Variants in MTMR8 observed in about 807,000 individuals in gnomAD.
MTMR8 encodes the protein phosphatidylinositol-3,5-bisphosphate 3-phosphatase MTMR8.
Under a neutral mutation model 39.3 loss-of-function variants are expected in MTMR8, and 65 were observed. That is an observed-to-expected ratio of 1.65 (90% CI 1.35 to 2.03). The LOEUF (loss-of-function observed/expected upper bound fraction) is 2.03. Among genes scored for constraint, MTMR8 ranks in the 30% most tolerant of loss-of-function variants. The pLI is 0.00. For missense variants in MTMR8, 777 were observed against 538.9 expected, an observed-to-expected ratio of 1.44 and a Z score of -4.37; for synonymous variants, 245 against 185.2, an observed-to-expected ratio of 1.32 and a Z score of -2.62.
intron 11 of MTMR8, among the ~76,000 whole-genome samples, chrX:64,330,220 G>A (rs2147220786): frequency 8.9e-6 from 1 of 111,951 alleles, no homozygotes; most frequent in African/African-American, 3.2e-5. Flanking sequence ...AAAAGATTAT[G>A]GAAAAGATTC....
At chrX:64,301,742 C>G (rs1921885310) in intron 12 of MTMR8, among the ~76,000 whole-genome samples, 1 of 111,400 alleles carries the variant, frequency 9.0e-6, no homozygotes, top group Admixed American at 9.6e-5. Context: ...TGGTGATGTA[C>G]AGATGGGTTT....
chrX:64,341,842 G>A (rs1258795274), intron 8 of MTMR8, among the ~76,000 whole-genome samples: 1 of 111,799 alleles, frequency 8.9e-6, no homozygotes, highest in African/African-American at 3.3e-5. Flanking sequence ...TACAAACTAT[G>A]GGGAATGTTT....
intron 1 of MTMR8, among the ~76,000 whole-genome samples, chrX:64,392,656 TA>T (rs1924719872): frequency 1.8e-5 from 2 of 111,359 alleles, no homozygotes; most frequent in African/African-American, 6.5e-5. Flanking sequence ...GTCCAGTTTT[TA>T]AGTTTATAGC....
At chrX:64,366,278 T>C (rs1923952881) in intron 1 of MTMR8, among the ~76,000 whole-genome samples, 1 of 111,716 alleles carries the variant, frequency 9.0e-6, no homozygotes, top group South Asian at 3.8e-4. Context: ...TACAGCACTA[T>C]CCACCCCAAA....
intron 11 of MTMR8, among the ~76,000 whole-genome samples, chrX:64,331,147 T>C (rs1268991809): frequency 3.6e-5 from 4 of 111,707 alleles, no homozygotes; most frequent in Non-Finnish European, 7.5e-5. Flanking sequence ...ATTAGGAGTT[T>C]TAAAAAATAC....
At chrX:64,342,506 C>T (rs979391604) in intron 8 of MTMR8, among the ~76,000 whole-genome samples, 10 of 112,273 alleles carry the variant, frequency 8.9e-5, no homozygotes, top group Non-Finnish European at 7.5e-5. Flanking sequence ...TCAAATCTCC[C>T]TCTTATCCAT....
chrX:64,358,543 C>T lies in MTMR8; in HGVS notation c.147+862G>A, dbSNP rs192288658. ...ATCTGTATTTTACAGAAGAAGGAAG[C>T]GAGACACAGAAAAGTTAAACAACTT... On this transcript the variant is annotated intron_variant, in intron 2 of 13. Coordinates refer to ENST00000374852, the MANE Select transcript of MTMR8 (RefSeq NM_017677.4). Among the ~76,000 whole-genome samples the T allele has an allele frequency of 1.6e-3, 172 of 110,953 alleles. 1 individual carries two copies. Among genetic ancestry groups the T allele is most frequent in the Non-Finnish European group, 2.8e-3 (148 of 52,946 alleles).
rs867929816 is a variant in MTMR8 at position 64,278,492 on chromosome X, G to C, written c.1482-7419C>G. ...TTTTTTTTTTTTTTTTTTTTTTTTTGAGATGGAGTCTCACTTTGTCCTCCA... is the reference window on the plus strand; with the variant it reads ...TTTTTTTTTTTTTTTTTTTTTTTTTCAGATGGAGTCTCACTTTGTCCTCCA... On this transcript the variant is annotated intron_variant, in intron 12 of 13. Coordinates refer to ENST00000374852, the MANE Select transcript of MTMR8 (RefSeq NM_017677.4). 2.5e-3 allele frequency among the ~76,000 whole-genome samples: 72 copies of C among 29,219 alleles called. 1 individual carries two copies. The highest frequency in any genetic ancestry group is 0.037 in the Middle Eastern group (1 of 27). 25.4% of individuals were successfully genotyped at this position (29,219 alleles called of 115,157 possible).
chrX:64,341,762 G>T (rs1286325840), intron 8 of MTMR8, among the ~76,000 whole-genome samples: 1 of 111,637 alleles, frequency 9.0e-6, no homozygotes, highest in African/African-American at 3.3e-5. Flanking sequence ...ATCACAAAAA[G>T]TTCAAATGGA....
At chrX:64,344,981 C>G (rs1602140172) in intron 7 of MTMR8, 64 bp downstream of exon 7, 3 of 1,149,888 alleles carry the variant, frequency 2.6e-6, no homozygotes, top group East Asian at 3.0e-5. Context: ...ATCAGGCATG[C>G]TTTCTGCTTA....
At chrX:64,271,189 T>G in intron 12 of MTMR8, 116 bp from the exon 13 acceptor site, 1 of 714,699 alleles carries the variant, frequency 1.4e-6, no homozygotes, top group Non-Finnish European at 1.9e-6. Context: ...ATCTCATGAG[T>G]ACTGTAATTT....
At position 64,328,791 on chromosome X, in the gene MTMR8, T is replaced by A. The variant is rs1175098717; in HGVS notation, c.1462A>T (p.Thr488Ser). ...FTMYGVLNPSTVPYNIQFWCG... is the reference protein window; with the variant it reads ...FTMYGVLNPSSVPYNIQFWCG... The stretch of plus-strand genomic sequence containing the variant: ...ACTTACTGAATGTTGTAGGGCACAG[T>A]ACTAGGATTGAGTACCCCATACATA... The change falls in exon 12 of 14, where the codon ACT becomes TCT. Residue 488 changes from threonine to serine, a missense_variant. By Grantham distance (58) the Thr-to-Ser change is moderately conservative (BLOSUM62 1). Transcript: ENST00000374852. The A allele has an allele frequency of 1.7e-6, 2 of 1,194,364 alleles. No individual in the cohort carries two copies. Among genetic ancestry groups the A allele is most frequent in the Non-Finnish European group, 2.2e-6 (2 of 889,460 alleles).
chrX:64,390,736 C>T (rs1018514281), intron 1 of MTMR8, among the ~76,000 whole-genome samples: 1 of 111,198 alleles, frequency 9.0e-6, no homozygotes, highest in Non-Finnish European at 1.9e-5. Context: ...ACTGCAGCCT[C>T]GACCTCCCAG....
At chrX:64,284,245 G>A (rs1207781498) in intron 12 of MTMR8, among the ~76,000 whole-genome samples, 1 of 111,952 alleles carries the variant, frequency 8.9e-6, no homozygotes, top group African/African-American at 3.3e-5. Context: ...CCACATGAAT[G>A]AAATGAAGTG....
At chrX:64,323,101 C>T (rs1461604671) in intron 12 of MTMR8, among the ~76,000 whole-genome samples, 1 of 112,249 alleles carries the variant, frequency 8.9e-6, no homozygotes, top group Non-Finnish European at 1.9e-5. Context: ...AGACATGTTG[C>T]TTCCATGGAG....
intron 12 of MTMR8, among the ~76,000 whole-genome samples, chrX:64,288,059 G>C (rs1451677340): frequency 5.2e-5 from 2 of 38,549 alleles, no homozygotes; most frequent in Admixed American, 8.0e-4. Flanking sequence ...ACTACCATAA[G>C]AGTGAACAGG....
chrX:64,274,463 A>T lies in MTMR8; in HGVS notation c.1482-3390T>A, dbSNP rs189160058. 7.0e-3 allele frequency among the ~76,000 whole-genome samples: 786 copies of T among 112,385 alleles called. 3 individuals are homozygous for T. The highest frequency in any genetic ancestry group is 0.013 in the Non-Finnish European group (669 of 53,151). On this transcript the variant is annotated intron_variant, in intron 12 of 13. Transcript: ENST00000374852. Reference sequence around the variant, plus strand: ...AGGATGCAGCAAAGGCAGTATTAAGAAGGAAATTTATTAGCACAGCTATTA... The same window carrying T: ...AGGATGCAGCAAAGGCAGTATTAAGTAGGAAATTTATTAGCACAGCTATTA...
intron 12 of MTMR8, among the ~76,000 whole-genome samples, chrX:64,325,208 T>G (rs1922759020): frequency 8.9e-6 from 1 of 112,237 alleles, no homozygotes; most frequent in South Asian, 3.7e-4. Flanking sequence ...ATGGCTTCAC[T>G]GCTGAATTCT....
chrX:64,367,434 G>A (rs1924001689), intron 1 of MTMR8, among the ~76,000 whole-genome samples: 1 of 111,907 alleles, frequency 8.9e-6, no homozygotes, highest in African/African-American at 3.2e-5. Context: ...CTTCATCCCT[G>A]GGATGCAAGG....
Sources: gnomAD v4.1 joint callset for allele counts (sites outside exome capture counted in the v4.1 genomes callset) on GRCh38, gnomAD v4.1.1 for gene constraint, MANE v1.5 for transcripts, NCBI Gene and HGNC (gene_info 2026-07-23, HGNC 2026-07-21) for gene names.